Variants in FRMD5 observed in about 807,000 individuals in gnomAD.
FRMD5 encodes the protein FERM domain-containing protein 5.
In FRMD5, 20 loss-of-function variants were observed where a neutral mutation model predicts 69.0. The observed-to-expected ratio is 0.29, with a 90% CI of 0.20 to 0.42. The LOEUF is 0.42. Among genes scored for constraint, FRMD5 ranks in the 10% least tolerant of loss-of-function variants. The probability of loss-of-function intolerance (pLI) is 1.00; values close to 1 mark genes in which losing one functional copy is unlikely to be tolerated. For synonymous variants in FRMD5, 271 were observed against 260.1 expected (o/e 1.04, Z -0.40); for missense variants, 595 against 708.6 (o/e 0.84, Z 1.82).
chr15:44,145,800 A>G (rs2077346762), intron 1 of FRMD5, among the ~76,000 whole-genome samples: 1 of 152,180 alleles, frequency 6.6e-6, no homozygotes, highest in Admixed American at 6.5e-5. Flanking sequence ...AACACAAGTA[A>G]TTTAGTGGGC....
chr15:43,888,819 C>G lies in FRMD5; in HGVS notation c.782G>C (p.Ser261Thr). ...GAAGCCAGCACTCACCTCTTTCTGA[C>G]TTACGTATAAATAGAAAGTCTTTCC... is the stretch of plus-strand genomic sequence containing the variant. ...FEGKTFYLYVSQKEEKKIILT... is the reference protein window; with the variant it reads ...FEGKTFYLYVTQKEEKKIILT... The change falls in exon 9 of 14, where the codon AGT becomes ACT. Residue 261 changes from serine (S) to threonine (T), a missense_variant. Around this residue, in one of 5 missense-constraint regions of FRMD5, gnomAD observed 176 missense variants for 266.3 expected, o/e 0.66. Coordinates refer to ENST00000417257, the MANE Select transcript of FRMD5 (RefSeq NM_032892.5). 2 of 1,613,816 alleles carry G rather than the reference C, an allele frequency of 1.2e-6. No homozygotes were observed. Among genetic ancestry groups the G allele is most frequent in the Non-Finnish European group, 1.7e-6 (2 of 1,179,694 alleles).
At chr15:44,093,152 G>A (rs1381964025) in intron 1 of FRMD5, among the ~76,000 whole-genome samples, 3 of 151,836 alleles carry the variant, frequency 2.0e-5, no homozygotes, top group Admixed American at 1.3e-4. Context: ...GGATGGTCTC[G>A]ATCTCTTAAC....
chr15:44,083,527 C>T (rs1054695968), intron 1 of FRMD5, among the ~76,000 whole-genome samples: 4 of 151,974 alleles, frequency 2.6e-5, no homozygotes, highest in African/African-American at 9.7e-5. Flanking sequence ...ATACACCTAG[C>T]CGAGCTTCAA....
chr15:44,046,274 G>C (rs1170924531), intron 1 of FRMD5, among the ~76,000 whole-genome samples: 1 of 152,002 alleles, frequency 6.6e-6, no homozygotes, highest in African/African-American at 2.4e-5. Flanking sequence ...GAACTCAAGA[G>C]AAAATAAAAA....
Position 44,174,225 on chromosome 15 carries a change from A to C in FRMD5, c.102+20728T>G, listed in dbSNP as rs144412420. 3.9e-3 allele frequency among the ~76,000 whole-genome samples: 598 copies of C among 152,292 alleles called. 5 individuals are homozygous for C. Among genetic ancestry groups the C allele is most frequent in the African/African-American group, 0.013 (559 of 41,566 alleles). The stretch of plus-strand genomic sequence containing the variant: ...TATAGAACTGCTTTCACACTCTGGT[A>C]ATTTCTAGAAAAACCTCAATAAAGA... On this transcript the variant is annotated intron_variant, in intron 1 of 13. Transcript: ENST00000417257.
At chr15:44,100,147 G>C (rs1382647005) in intron 1 of FRMD5, among the ~76,000 whole-genome samples, 1 of 150,486 alleles carries the variant, frequency 6.6e-6, no homozygotes, top group Non-Finnish European at 1.5e-5. Flanking sequence ...TCCACCTCCC[G>C]GGTTCAAGTG....
At chr15:43,998,726 C>A (rs901015353) in intron 1 of FRMD5, among the ~76,000 whole-genome samples, 1 of 152,216 alleles carries the variant, frequency 6.6e-6, no homozygotes, top group African/African-American at 2.4e-5. Flanking sequence ...GGCAGCACAG[C>A]TGCTTCTACC....
At chr15:43,884,880 C>T (rs2088626453) in intron 11 of FRMD5, 85 bp from the exon 12 acceptor site, 1 of 1,209,904 alleles carries the variant, frequency 8.3e-7, no homozygotes, top group Non-Finnish European at 1.2e-6. Flanking sequence ...GGTGCTTTCC[C>T]TGAATCAGGA....
intron 4 of FRMD5, among the ~76,000 whole-genome samples, chr15:43,912,844 C>G (rs566997393): frequency 6.8e-6 from 1 of 146,686 alleles, no homozygotes; most frequent in Admixed American, 6.8e-5. Flanking sequence ...ATGGTGAAAC[C>G]CCATCTCTAC....
At chr15:43,922,656 T>C (rs1413158113) in intron 2 of FRMD5, among the ~76,000 whole-genome samples, 1 of 151,260 alleles carries the variant, frequency 6.6e-6, no homozygotes, top group Non-Finnish European at 1.5e-5. Flanking sequence ...GATCTTGGAG[T>C]AACTGGCCCT....
chr15:44,028,213 A>G (rs557728588), intron 1 of FRMD5, among the ~76,000 whole-genome samples: 12 of 152,320 alleles, frequency 7.9e-5, no homozygotes, highest in African/African-American at 2.6e-4. Flanking sequence ...TCCCTTTTCT[A>G]TATCAACCAA....
chr15:43,986,936 T>C (rs951766717), intron 1 of FRMD5, among the ~76,000 whole-genome samples: 2 of 152,186 alleles, frequency 1.3e-5, no homozygotes, highest in African/African-American at 4.8e-5. Context: ...TCAAACTTTT[T>C]CATTATTATA....
intron 1 of FRMD5, among the ~76,000 whole-genome samples, chr15:43,958,270 T>A (rs2090145034): frequency 6.6e-6 from 1 of 152,044 alleles, no homozygotes; most frequent in Admixed American, 6.6e-5. Context: ...TACTGAGAGC[T>A]GCTCATGCCT....
intron 1 of FRMD5, among the ~76,000 whole-genome samples, chr15:43,962,733 G>A (rs920863897): frequency 2.6e-5 from 4 of 152,124 alleles, no homozygotes; most frequent in African/African-American, 9.7e-5. Context: ...ACAGAACAGA[G>A]CCCTCAGAAA....
At chr15:43,951,980 TTGTGTGTGTGTG>T (rs1174993374) in intron 1 of FRMD5, among the ~76,000 whole-genome samples, 2 of 107,710 alleles carry the variant, frequency 1.9e-5, no homozygotes, top group Admixed American at 1.7e-4. Context: ...TGTGTGTGTG[TTGTGTGTGTGTG>T]TGTGTGTCTG....
chr15:43,953,034 CTT>C (rs1027341498), intron 1 of FRMD5, among the ~76,000 whole-genome samples: 60 of 152,208 alleles, frequency 3.9e-4, no homozygotes, highest in Admixed American at 2.7e-3. Flanking sequence ...TCCACTAAGG[CTT>C]TGTCCTGTGG....
intron 1 of FRMD5, among the ~76,000 whole-genome samples, chr15:43,953,589 TAGG>T (rs1391946113): frequency 6.6e-6 from 1 of 152,238 alleles, no homozygotes; most frequent in Non-Finnish European, 1.5e-5. Flanking sequence ...GTTGCAGAAC[TAGG>T]AGAACTATGG....
At chr15:44,061,888 G>GGCAT (rs1893102978) in intron 1 of FRMD5, among the ~76,000 whole-genome samples, 1 of 152,146 alleles carries the variant, frequency 6.6e-6, no homozygotes, top group Non-Finnish European at 1.5e-5. Context: ...TTTCAAAGAT[G>GGCAT]GCATGCACAT....
intron 1 of FRMD5, among the ~76,000 whole-genome samples, chr15:44,171,748 A>G (rs2077807443): frequency 1.3e-5 from 2 of 152,088 alleles, no homozygotes; most frequent in East Asian, 1.9e-4. Context: ...ATTATTAGAG[A>G]AAGTATGCCT....
Sources: gnomAD v4.1 joint callset for allele counts (sites outside exome capture counted in the v4.1 genomes callset) on GRCh38, gnomAD v4.1.1 for gene constraint, gnomAD v4.1.1 regional missense constraint, MANE v1.5 for transcripts, NCBI Gene and HGNC (gene_info 2026-07-23, HGNC 2026-07-21) for gene names.